SENP7: variants seen among roughly 807,000 people sequenced by gnomAD.
The protein encoded by SENP7 is sentrin-specific protease 7.
A neutral mutation model predicts 141.2 loss-of-function variants in SENP7; 64 were observed. That is an observed-to-expected ratio of 0.45 (90% CI 0.37 to 0.56). The LOEUF is 0.56. Ranked by LOEUF, SENP7 falls within the 20% of genes least tolerant of loss-of-function variation. The probability of loss-of-function intolerance (pLI) is 0.00; values close to 1 mark genes in which losing one functional copy is unlikely to be tolerated. For synonymous variants in SENP7, 382 were observed against 426.4 expected (o/e 0.90, Z 1.28); for missense variants, 1,025 against 1,212.2 (o/e 0.85, Z 2.29).
At chr3:101,481,680 T>A (rs2064488037) in intron 3 of SENP7, among the ~76,000 whole-genome samples, 1 of 152,214 alleles carries the variant, frequency 6.6e-6, no homozygotes, top group Non-Finnish European at 1.5e-5. Context: ...AATAAATGCT[T>A]GTGATGATGG....
At chr3:101,505,840 ATAGT>A (rs1251535035) in intron 1 of SENP7, among the ~76,000 whole-genome samples, 10 of 152,194 alleles carry the variant, frequency 6.6e-5, no homozygotes, top group South Asian at 4.1e-4. Context: ...TGACTAACAC[ATAGT>A]TAGTGCAAAA....
intron 5 of SENP7, among the ~76,000 whole-genome samples, chr3:101,408,978 AG>A (rs1455434230): frequency 6.6e-6 from 1 of 152,218 alleles, no homozygotes; most frequent in Non-Finnish European, 1.5e-5. Flanking sequence ...ATCGATAAAG[AG>A]GATGTCAAGC....
chr3:101,366,589 C>T lies in SENP7; in HGVS notation c.1159G>A (p.Ala387Thr). Reference protein sequence around the residue: ...TLSNATKSASAGSTTETVENS... With the variant: ...TLSNATKSASTGSTTETVENS... The stretch of plus-strand genomic sequence containing the variant: ...TCAACGGTTTCAGTGGTTGAACCGG[C>T]AGAGGCACTTTTGGTGGCATTACTC... Residue 387 changes from alanine to threonine, a missense_variant, in exon 9 of 24, where the codon GCC becomes ACC. This residue lies in a region of SENP7 where 496 missense variants were observed against 503.5 expected (regional missense o/e 0.99). Transcript: ENST00000394095. 6.2e-7 allele frequency: 1 copy of T among 1,613,934 alleles called. No homozygotes were observed. The highest frequency in any genetic ancestry group is 1.1e-5 in the South Asian group (1 of 91,060).
At chr3:101,431,045 C>T (rs1440527349) in intron 4 of SENP7, among the ~76,000 whole-genome samples, 1 of 152,156 alleles carries the variant, frequency 6.6e-6, no homozygotes, top group African/African-American at 2.4e-5. Flanking sequence ...GTCTGAGAGA[C>T]AGTTTGTTGT....
intron 10 of SENP7, chr3:101,363,248 A>G: frequency 9.5e-6 from 3 of 316,054 alleles, no homozygotes; most frequent in Non-Finnish European, 1.4e-5. Flanking sequence ...GGTAGCTCCA[A>G]CATCAGTCAG....
At chr3:101,507,016 G>A (rs574449840) in intron 1 of SENP7, among the ~76,000 whole-genome samples, 12 of 150,076 alleles carry the variant, frequency 8.0e-5, no homozygotes, top group South Asian at 2.1e-4. Context: ...AGCTATGATC[G>A]TGCCACTGCA....
At chr3:101,330,444 C>A (rs1369753864) in intron 19 of SENP7, 58 bp from the exon 20 acceptor site, 1 of 1,110,252 alleles carries the variant, frequency 9.0e-7, no homozygotes, top group Non-Finnish European at 1.3e-6. Flanking sequence ...ATACAGGTAA[C>A]TTAGAAAAGC....
chr3:101,512,981 C>G lies in SENP7; in HGVS notation c.40+110G>C. On this transcript the variant is annotated intron_variant, in intron 1 of 23. Coordinates refer to ENST00000394095, the MANE Select transcript of SENP7 (RefSeq NM_020654.5). The stretch of plus-strand genomic sequence containing the variant: ...TGTGCGCGCCCCTTCCTCTCCCCGC[C>G]CCCGCCCTCGCCCCCGCGGCTTCGG... 4.0e-6 allele frequency: 5 copies of G among 1,261,100 alleles called. No individual in the cohort carries two copies. In the South Asian group the frequency reaches 5.9e-5, roughly 15 times the overall value. The allele number at this position is 1,261,100 out of a possible 1,614,324, so 78.1% of individuals were successfully genotyped here.
At chr3:101,358,147 T>C (rs2059794291) in intron 11 of SENP7, 2 of 522,640 alleles carry the variant, frequency 3.8e-6, no homozygotes, top group Non-Finnish European at 6.7e-6. Context: ...AAACATAAGA[T>C]AATTCATACT....
intron 6 of SENP7, among the ~76,000 whole-genome samples, chr3:101,384,518 T>G (rs2060596591): frequency 6.6e-6 from 1 of 152,218 alleles, no homozygotes; most frequent in African/African-American, 2.4e-5. Context: ...TGGAAGCCAC[T>G]TGCAGTACGA....
At chr3:101,358,140 C>A in intron 11 of SENP7, 1 of 521,370 alleles carries the variant, frequency 1.9e-6, no homozygotes, top group Non-Finnish European at 3.3e-6. Flanking sequence ...CCCTACTAAA[C>A]ATAAGATAAT....
chr3:101,371,068 T>C (rs897436115), intron 7 of SENP7, among the ~76,000 whole-genome samples: 2 of 152,132 alleles, frequency 1.3e-5, no homozygotes, highest in African/African-American at 4.8e-5. Context: ...GGCAGGCAGA[T>C]CACTGGAGCC....
intron 4 of SENP7, among the ~76,000 whole-genome samples, chr3:101,449,934 C>G (rs559482459): frequency 6.6e-6 from 1 of 152,260 alleles, no homozygotes; most frequent in Admixed American, 6.5e-5. Context: ...GATAAAGAGT[C>G]AAGACCCATC....
At chr3:101,440,765 C>A (rs1228621935) in intron 4 of SENP7, among the ~76,000 whole-genome samples, 1 of 151,938 alleles carries the variant, frequency 6.6e-6, no homozygotes, top group East Asian at 1.9e-4. Flanking sequence ...ACATAAACAT[C>A]CTCAAGAAAA....
chr3:101,388,182 A>G (rs2060713222), intron 6 of SENP7, among the ~76,000 whole-genome samples: 1 of 152,174 alleles, frequency 6.6e-6, no homozygotes, highest in Non-Finnish European at 1.5e-5. Flanking sequence ...TGAAGGCCCA[A>G]GAACTGGCCC....
chr3:101,360,117 TAAAGAA>T (rs2059855707), intron 11 of SENP7, among the ~76,000 whole-genome samples: 1 of 152,092 alleles, frequency 6.6e-6, no homozygotes, highest in African/African-American at 2.4e-5. Flanking sequence ...TAAAATTCCT[TAAAGAA>T]AAAGAATTGT....
chr3:101,345,059 G>A (rs1465193438), intron 13 of SENP7, among the ~76,000 whole-genome samples: 1 of 140,718 alleles, frequency 7.1e-6, no homozygotes, highest in African/African-American at 2.6e-5. Context: ...TCTCTATTCT[G>A]TTTCATTGGT....
At chr3:101,330,275 G>C in intron 20 of SENP7, 59 bp downstream of exon 20, 1 of 1,274,522 alleles carries the variant, frequency 7.8e-7, no homozygotes, top group East Asian at 2.3e-5. Flanking sequence ...CTATTTTACA[G>C]ATAACATTAT....
intron 1 of SENP7, among the ~76,000 whole-genome samples, chr3:101,508,720 C>T (rs961368161): frequency 1.3e-5 from 2 of 152,220 alleles, no homozygotes; most frequent in African/African-American, 4.8e-5. Flanking sequence ...ACTAAATCCA[C>T]TCTTTGCCCT....
Sources: allele counts gnomAD v4.1 joint callset (sites outside exome capture counted in the v4.1 genomes callset), GRCh38; gene constraint gnomAD v4.1.1; regional missense constraint gnomAD v4.1.1; transcripts MANE v1.5; gene names NCBI Gene and HGNC (gene_info 2026-07-23, HGNC 2026-07-21).